PRKG1: variants seen among roughly 807,000 people sequenced by gnomAD.
PRKG1 encodes protein kinase cGMP-dependent 1.
A neutral mutation model predicts 88.1 loss-of-function variants in PRKG1; 35 were observed. The observed-to-expected ratio is 0.40, with a 90% CI of 0.30 to 0.53. The LOEUF is 0.53. Among genes scored for constraint, PRKG1 ranks in the 20% least tolerant of loss-of-function variants. The pLI is 0.59. For missense variants in PRKG1, 540 were observed against 839.8 expected, an observed-to-expected ratio of 0.64 and a Z score of 4.41; for synonymous variants, 303 against 292.5, an observed-to-expected ratio of 1.04 and a Z score of -0.37.
At chr10:52,140,706 G>T (rs531856329) in intron 8 of PRKG1, among the ~76,000 whole-genome samples, 4 of 152,182 alleles carry the variant, frequency 2.6e-5, no homozygotes, top group African/African-American at 4.8e-5. Flanking sequence ...GGTGCCATTG[G>T]GGGAGAGAAG....
intron 3 of PRKG1, among the ~76,000 whole-genome samples, chr10:51,739,292 TGAA>T (rs1014656281): frequency 1.6e-4 from 25 of 152,350 alleles, no homozygotes; most frequent in Admixed American, 2.0e-4. Flanking sequence ...TATTCTCCTA[TGAA>T]GATTTGCTTC....
chr10:52,122,153 G>A (rs1359448977), intron 7 of PRKG1, among the ~76,000 whole-genome samples: 1 of 152,192 alleles, frequency 6.6e-6, no homozygotes, highest in African/African-American at 2.4e-5. Context: ...CATGGTGGAA[G>A]GCAAAACATA....
intron 5 of PRKG1, among the ~76,000 whole-genome samples, chr10:52,002,457 T>A (rs187412425): frequency 3.9e-4 from 60 of 152,288 alleles, no homozygotes; most frequent in African/African-American, 1.4e-3. Flanking sequence ...TTTCTTCCTT[T>A]TTTCTTGCCT....
chr10:52,032,694 G>A (rs956739457), intron 5 of PRKG1, among the ~76,000 whole-genome samples: 3 of 151,988 alleles, frequency 2.0e-5, no homozygotes, highest in Admixed American at 2.0e-4. Context: ...ATTCAGGAAT[G>A]TGGTCTCAGC....
At chr10:52,059,356 A>G (rs1320906297) in intron 6 of PRKG1, among the ~76,000 whole-genome samples, 1 of 151,934 alleles carries the variant, frequency 6.6e-6, no homozygotes, top group Non-Finnish European at 1.5e-5. Flanking sequence ...CACACAAAAA[A>G]CTCTGCATCA....
intron 2 of PRKG1, among the ~76,000 whole-genome samples, chr10:51,423,231 T>C (rs934943276): frequency 3.3e-5 from 5 of 152,210 alleles, no homozygotes; most frequent in Non-Finnish European, 4.4e-5. Context: ...TATGTCTGAC[T>C]TCCTAGCCTG....
At chr10:51,792,792 T>G (rs1682771631) in intron 3 of PRKG1, among the ~76,000 whole-genome samples, 1 of 152,114 alleles carries the variant, frequency 6.6e-6, no homozygotes, top group South Asian at 2.1e-4. Flanking sequence ...CTTTGACTTT[T>G]AAAGATTACT....
chr10:52,086,339 C>T (rs985109655), intron 7 of PRKG1, among the ~76,000 whole-genome samples: 5 of 136,100 alleles, frequency 3.7e-5, no homozygotes, highest in African/African-American at 1.2e-4. Context: ...AAAAGTAGCA[C>T]ACTATACACT....
chr10:51,473,131 T>C (rs564737094), intron 3 of PRKG1, among the ~76,000 whole-genome samples: 1 of 152,070 alleles, frequency 6.6e-6, no homozygotes, highest in African/African-American at 2.4e-5. Flanking sequence ...AGTAAAATTT[T>C]CATTGCATTT....
chr10:51,555,271 C>A (rs1837281446), intron 3 of PRKG1, among the ~76,000 whole-genome samples: 1 of 151,796 alleles, frequency 6.6e-6, no homozygotes, highest in Non-Finnish European at 1.5e-5. Context: ...GATTAGCTGT[C>A]CACAAAAATA....
intron 2 of PRKG1, among the ~76,000 whole-genome samples, chr10:51,466,106 C>T (rs1407076417): frequency 6.6e-6 from 1 of 151,940 alleles, no homozygotes; most frequent in East Asian, 1.9e-4. Context: ...ATTTTTTAAC[C>T]TCTGTGTGGT....
intron 9 of PRKG1, among the ~76,000 whole-genome samples, chr10:52,241,322 C>T (rs1293279282): frequency 6.6e-6 from 1 of 152,094 alleles, no homozygotes; most frequent in Non-Finnish European, 1.5e-5. Flanking sequence ...TACCAGGACT[C>T]TCTGCAAAGT....
At chr10:51,508,131 A>G (rs1211883907) in intron 3 of PRKG1, among the ~76,000 whole-genome samples, 2 of 152,150 alleles carry the variant, frequency 1.3e-5, no homozygotes, top group Admixed American at 1.3e-4. Flanking sequence ...TAGATACCCC[A>G]TAGAGCTAGA....
At chr10:52,066,445 CAAAT>C (rs1846356239) in intron 7 of PRKG1, among the ~76,000 whole-genome samples, 1 of 152,162 alleles carries the variant, frequency 6.6e-6, no homozygotes, top group South Asian at 2.1e-4. Context: ...TATTTTTTAA[CAAAT>C]GAATGAGTGA....
In PRKG1 at chr10:52,280,841, G is replaced by T. The variant is rs1378044801; in HGVS notation, c.1456G>T (p.Ala486Ser). 6.2e-7 allele frequency: 1 copy of T among 1,613,228 alleles called. No homozygotes were observed. The highest frequency in any genetic ancestry group is 1.1e-5 in the South Asian group (1 of 91,062). Residue 486 changes from alanine (A) to serine (S), a missense_variant, in exon 13 of 18, where the codon GCT (alanine) becomes TCT (serine). By Grantham distance (99) the Ala-to-Ser change is moderately conservative. Around this residue, in one of 5 missense-constraint regions of PRKG1, gnomAD observed 400 missense variants for 562.7 expected, o/e 0.71. Transcript: ENST00000373980. ...TRFYTACVVE[A>S]FAYLHSKGII... The stretch of plus-strand genomic sequence containing the variant: ...ATTTTACACAGCATGTGTGGTAGAA[G>T]CTTTTGCCTATCTGCATTCCAAAGG...
At chr10:52,186,421 G>C (rs1316374390) in intron 9 of PRKG1, among the ~76,000 whole-genome samples, 1 of 151,864 alleles carries the variant, frequency 6.6e-6, no homozygotes, top group Non-Finnish European at 1.5e-5. Flanking sequence ...ATTCCTGAAG[G>C]ATTTTCCCCC....
intron 7 of PRKG1, among the ~76,000 whole-genome samples, chr10:52,073,549 G>A (rs1332996951): frequency 1.3e-5 from 2 of 152,182 alleles, no homozygotes; most frequent in East Asian, 3.9e-4. Flanking sequence ...TCACTTTTAG[G>A]TATTCATTTG....
At chr10:51,081,502 G>A (rs1169896715) in intron 1 of PRKG1, among the ~76,000 whole-genome samples, 2 of 152,206 alleles carry the variant, frequency 1.3e-5, no homozygotes, top group Non-Finnish European at 2.9e-5. Flanking sequence ...ACCAGTGCTT[G>A]TTTTGAATGC....
At chr10:51,120,573 A>G (rs9415722) in intron 1 of PRKG1, among the ~76,000 whole-genome samples, 121,126 of 151,976 alleles carry the variant, frequency 0.8, 48,838 homozygotes, top group South Asian at 0.87. Flanking sequence ...TTTCTCAAGC[A>G]CATGTAGAGG....
Sources: gnomAD v4.1 joint callset for allele counts (sites outside exome capture counted in the v4.1 genomes callset) on GRCh38, gnomAD v4.1.1 for gene constraint, gnomAD v4.1.1 regional missense constraint, MANE v1.5 for transcripts, NCBI Gene and HGNC (gene_info 2026-07-23, HGNC 2026-07-21) for gene names.